The following ENPP3 variants were observed in gnomAD, a reference collection of about 807,000 sequenced individuals.
ENPP3 encodes ectonucleotide pyrophosphatase/phosphodiesterase 3, also known as ectonucleotide pyrophosphatase/phosphodiesterase family member 3.
A neutral mutation model predicts 117.8 loss-of-function variants in ENPP3; 104 were observed. The ratio of observed to expected loss-of-function variants is 0.88; its 90% CI spans 0.75 to 1.04. ENPP3 has a LOEUF of 1.04. Ranked by LOEUF, ENPP3 falls within the 50% of genes least tolerant of loss-of-function variation. The pLI is 0.00. For missense variants in ENPP3, 1,026 were observed against 1,051.9 expected (o/e 0.98, Z 0.34); for synonymous variants, 380 against 349.9 (o/e 1.09, Z -0.96).
chr6:131,676,135 C>G (rs775614301), intron 9 of ENPP3, among the ~76,000 whole-genome samples: 6 of 152,142 alleles, frequency 3.9e-5, no homozygotes, highest in Non-Finnish European at 8.8e-5. Context: ...CGAATGCCTA[C>G]TCTTTCCCTG....
intron 1 of ENPP3, chr6:131,638,583 T>C (rs1417476566): frequency 5.2e-6 from 2 of 387,370 alleles, no homozygotes; most frequent in African/African-American, 4.3e-5. Flanking sequence ...TTTTGTGAGT[T>C]TTTTTCTTTC....
At chr6:131,644,825 G>A (rs1447978939) in intron 2 of ENPP3, among the ~76,000 whole-genome samples, 1 of 152,114 alleles carries the variant, frequency 6.6e-6, no homozygotes, top group African/African-American at 2.4e-5. Context: ...GAGGTGAAGG[G>A]GAAAAGCAAA....
At position 131,674,178 on chromosome 6, in the gene ENPP3, C is replaced by T. The variant is rs1229197110; in HGVS notation, c.659C>T (p.Ser220Leu). 1 of 1,552,766 alleles carries T rather than the reference C, an allele frequency of 6.4e-7. No individual in the cohort carries two copies. The highest frequency in any genetic ancestry group is 1.7e-5 in the Admixed American group (1 of 59,856). The part of the protein sequence containing the change: ...YTIVTGLYPE[S>L]HGIIDNNMYD... The stretch of plus-strand genomic sequence containing the variant: ...TCATTTTAGGGCTTGTATCCAGAGT[C>T]ACATGGCATCATTGACAATAATATG... Residue 220 changes from serine (S) to leucine (L), a missense_variant, in exon 8 of 25, where the codon TCA (serine) becomes TTA (leucine). Transcript: ENST00000357639.
intron 6 of ENPP3, among the ~76,000 whole-genome samples, chr6:131,664,200 T>C (rs1420933664): frequency 6.6e-6 from 1 of 152,144 alleles, no homozygotes; most frequent in Non-Finnish European, 1.5e-5. Flanking sequence ...GACCTTTCAG[T>C]AGGGCAAGAG....
rs772528200 is a variant in ENPP3 at position 131,675,156 on chromosome 6, G to T, written c.839G>T (p.Gly280Val). 1.3e-5 allele frequency: 21 copies of T among 1,612,300 alleles called. No individual in the cohort carries two copies. In the African/African-American group the frequency reaches 1.5e-4, roughly 11 times the overall value. The change falls in exon 9 of 25, where the codon GGC becomes GTC. Residue 280 changes from glycine (G) to valine (V), a missense_variant. Gly to Val is a moderately radical substitution (Grantham distance 109). Transcript: ENST00000357639. Reference protein sequence around the residue: ...FWPGSEVAINGSFPSIYMPYN... With the variant: ...FWPGSEVAINVSFPSIYMPYN... ...CCCGGATCAGAAGTGGCTATAAATG[G>T]CTCCTTTCCTTCCATATACATGCCT...
intron 2 of ENPP3, among the ~76,000 whole-genome samples, chr6:131,647,604 A>G (rs180695186): frequency 1.3e-5 from 2 of 152,304 alleles, no homozygotes; most frequent in Admixed American, 6.5e-5. Context: ...ATTCATGACC[A>G]ATACTGTTTT....
At chr6:131,689,353 G>C (rs981966064) in intron 14 of ENPP3, among the ~76,000 whole-genome samples, 61 of 152,148 alleles carry the variant, frequency 4.0e-4, no homozygotes, top group Non-Finnish European at 1.0e-4. Flanking sequence ...GGCTAATGCA[G>C]CTGGTGACTT....
At chr6:131,644,788 G>C (rs560386788) in intron 2 of ENPP3, among the ~76,000 whole-genome samples, 1 of 152,158 alleles carries the variant, frequency 6.6e-6, no homozygotes, top group Non-Finnish European at 1.5e-5. Flanking sequence ...CCATGAGACT[G>C]GGGTAGAACA....
rs60304793 is a variant in ENPP3 at position 131,678,907 on chromosome 6, C to CTCTTTCTTTCTTTCTTTCTT, written c.1011+1002_1011+1021dup. Among the ~76,000 whole-genome samples the CTCTTTCTTTCTTTCTTTCTT allele has an allele frequency of 7.2e-3, 515 of 71,708 alleles. 20 individuals are homozygous for CTCTTTCTTTCTTTCTTTCTT. Among genetic ancestry groups the CTCTTTCTTTCTTTCTTTCTT allele is most frequent in the East Asian group, 0.017 (45 of 2,632 alleles). 47.0% of individuals were successfully genotyped at this position (71,708 alleles called of 152,430 possible). A position where few individuals can be genotyped will look rare whatever the true frequency, so the allele number is the denominator to read the frequency against. On this transcript the variant is annotated intron_variant, in intron 11 of 24. Coordinates refer to ENST00000357639, the MANE Select transcript of ENPP3 (RefSeq NM_005021.5). ...CCTTCTTTTCCCTTTCTTTCTTTCT[C>CTCTTTCTTTCTTTCTTTCTT]TCTTTCTTTCTTTCTTTCTTTCTTT... is the stretch of plus-strand genomic sequence containing the variant.
At chr6:131,720,755 T>C (rs1021667724) in intron 17 of ENPP3, among the ~76,000 whole-genome samples, 1 of 152,070 alleles carries the variant, frequency 6.6e-6, no homozygotes, top group African/African-American at 2.4e-5. Flanking sequence ...CTACTTTTTT[T>C]TGTATTTTTT....
intron 6 of ENPP3, among the ~76,000 whole-genome samples, chr6:131,659,004 G>C (rs896407633): frequency 6.6e-5 from 10 of 152,168 alleles, no homozygotes; most frequent in African/African-American, 9.7e-5. Context: ...GAATGTACAG[G>C]TAGCATTCAA....
chr6:131,724,537 T>C (rs1020943061), intron 19 of ENPP3, among the ~76,000 whole-genome samples: 2 of 152,230 alleles, frequency 1.3e-5, no homozygotes, highest in African/African-American at 4.8e-5. Flanking sequence ...TTTACAATTG[T>C]GCCTGGCCTG....
At position 131,674,184 on chromosome 6, in the gene ENPP3, G is replaced by A. The variant is rs781593541; in HGVS notation, c.665G>A (p.Gly222Asp). ...TAGGGCTTGTATCCAGAGTCACATG[G>A]CATCATTGACAATAATATGTATGAT... ...IVTGLYPESH[G>D]IIDNNMYDVN... The change falls in exon 8 of 25, where the codon GGC (glycine) becomes GAC (aspartate). Residue 222 changes from glycine (G) to aspartate (D), a missense_variant. Gly to Asp is a moderately conservative substitution (Grantham distance 94). Transcript: ENST00000357639. 5 of 1,555,604 alleles carry A rather than the reference G, an allele frequency of 3.2e-6. No individual in the cohort carries two copies. The highest frequency in any genetic ancestry group is 3.5e-6 in the Non-Finnish European group (4 of 1,128,780).
chr6:131,649,378 A>G (rs899161753), intron 2 of ENPP3, among the ~76,000 whole-genome samples: 5 of 151,978 alleles, frequency 3.3e-5, no homozygotes, highest in African/African-American at 4.8e-5. Context: ...CTACCTTTGA[A>G]CTCTACCCCT....
intron 14 of ENPP3, among the ~76,000 whole-genome samples, chr6:131,690,058 A>T (rs1162141747): frequency 6.6e-6 from 1 of 152,238 alleles, no homozygotes; most frequent in Non-Finnish European, 1.5e-5. Context: ...TGAGTAAAGA[A>T]AGCGGTTTCT....
chr6:131,658,339 G>A lies in ENPP3; in HGVS notation c.481G>A (p.Val161Ile). Reference sequence around the variant, plus strand: ...CATTTTCAGGTTTGACCTGCCACCAGTTATCTTGTTTTCTATGGATGGATT... The same window carrying A: ...CATTTTCAGGTTTGACCTGCCACCAATTATCTTGTTTTCTATGGATGGATT... ...QCPEGFDLPP[V>I]ILFSMDGFRA... Residue 161 changes from valine (V) to isoleucine (I), a missense_variant, in exon 6 of 25, where the codon GTT becomes ATT. Transcript: ENST00000357639. 1 of 1,607,530 alleles carries A rather than the reference G, an allele frequency of 6.2e-7. No homozygotes were observed. The highest frequency in any genetic ancestry group is 8.5e-7 in the Non-Finnish European group (1 of 1,174,452).
intron 21 of ENPP3, among the ~76,000 whole-genome samples, chr6:131,735,027 A>G (rs537547733): frequency 2.6e-5 from 4 of 152,222 alleles, no homozygotes; most frequent in Admixed American, 2.6e-4. Flanking sequence ...AATAAAATTA[A>G]TAATTAAACA....
intron 2 of ENPP3, among the ~76,000 whole-genome samples, chr6:131,643,680 A>G (rs1201132291): frequency 6.6e-6 from 1 of 152,102 alleles, no homozygotes; most frequent in Non-Finnish European, 1.5e-5. Context: ...TGAGTTTTAA[A>G]ATTTGTGCAT....
rs147470139 is a variant in ENPP3 at position 131,667,147 on chromosome 6, T to C, written c.563-4101T>C. 5.5e-3 allele frequency among the ~76,000 whole-genome samples: 840 copies of C among 152,216 alleles called. 6 individuals are homozygous for C. The highest frequency in any genetic ancestry group is 0.017 in the African/African-American group (712 of 41,512). On this transcript the variant is annotated intron_variant, in intron 6 of 24. Transcript: ENST00000357639. ...GGTCGTGGGGCTTTTTTTTTCTTCT[T>C]TATTTTGCTTTTTTTCTCTGTGCTG...
Sources: gnomAD v4.1 joint callset for allele counts (sites outside exome capture counted in the v4.1 genomes callset) on GRCh38, gnomAD v4.1.1 for gene constraint, MANE v1.5 for transcripts, NCBI Gene and HGNC (gene_info 2026-07-23, HGNC 2026-07-21) for gene names.